Variants in ADAMTS17 observed in about 807,000 individuals in gnomAD.
ADAMTS17 encodes the protein ADAM metallopeptidase with thrombospondin type 1 motif 17.
In ADAMTS17, 113 loss-of-function variants were observed where a neutral mutation model predicts 141.5. That is an observed-to-expected ratio of 0.80 (90% CI 0.69 to 0.93). ADAMTS17 has a LOEUF of 0.93. ADAMTS17 is among the 40% of genes least tolerant of loss of function. The pLI, the probability that ADAMTS17 is intolerant of heterozygous loss-of-function variation, is 0.00. For synonymous variants in ADAMTS17, 768 were observed against 630.6 expected (o/e 1.22, Z -3.27); for missense variants, 1,659 against 1,517.9 (o/e 1.09, Z -1.54).
intron 4 of ADAMTS17, among the ~76,000 whole-genome samples, chr15:100,273,215 A>G (rs1209170007): frequency 6.6e-6 from 1 of 152,166 alleles, no homozygotes; most frequent in African/African-American, 2.4e-5. Context: ...AGTCTCACAG[A>G]ATGAGTTAGG....
intron 12 of ADAMTS17, among the ~76,000 whole-genome samples, chr15:100,124,777 G>A (rs1323462417): frequency 2.3e-5 from 3 of 131,068 alleles, no homozygotes; most frequent in South Asian, 2.6e-4. Context: ...AACCGAAAGC[G>A]TGGAGAGAAA....
intron 7 of ADAMTS17, among the ~76,000 whole-genome samples, chr15:100,205,446 G>A (rs1050496458): frequency 5.3e-5 from 8 of 152,186 alleles, no homozygotes; most frequent in African/African-American, 9.7e-5. Flanking sequence ...CCAAGTGCAT[G>A]GAGATATCGT....
At chr15:100,313,301 A>G (rs1195260697) in intron 3 of ADAMTS17, among the ~76,000 whole-genome samples, 2 of 152,262 alleles carry the variant, frequency 1.3e-5, no homozygotes, top group African/African-American at 4.8e-5. Context: ...GAATGCAATA[A>G]CACTCTGAGG....
intron 8 of ADAMTS17, among the ~76,000 whole-genome samples, chr15:100,190,939 C>T (rs1218567044): frequency 6.6e-6 from 1 of 152,202 alleles, no homozygotes; most frequent in African/African-American, 2.4e-5. Context: ...CGAGTCTCCA[C>T]TGGGCCACAT....
chr15:100,314,696 A>T (rs921620715), intron 3 of ADAMTS17, among the ~76,000 whole-genome samples: 2 of 152,230 alleles, frequency 1.3e-5, no homozygotes, highest in Non-Finnish European at 2.9e-5. Context: ...TGGAAAAAAA[A>T]CTGGTGAGAA....
At chr15:100,257,106 G>A (rs1452247493) in intron 6 of ADAMTS17, 1 of 152,232 alleles carries the variant, frequency 6.6e-6, no homozygotes, top group East Asian at 1.9e-4. Flanking sequence ...TTAAACGGGA[G>A]GAAATTCTCA....
intron 20 of ADAMTS17, among the ~76,000 whole-genome samples, chr15:99,987,582 G>A (rs911699772): frequency 6.6e-6 from 1 of 152,112 alleles, no homozygotes; most frequent in Non-Finnish European, 1.5e-5. Context: ...TCTGCAAGCT[G>A]GACAGCAAAG....
chr15:100,054,204 G>T, intron 15 of ADAMTS17, 150 bp from the exon 16 acceptor site: 1 of 884,784 alleles, frequency 1.1e-6, no homozygotes. Flanking sequence ...GAAGGCGAGT[G>T]CTCTGTATAC....
chr15:100,195,202 C>T (rs113878549), intron 8 of ADAMTS17, among the ~76,000 whole-genome samples: 4 of 152,354 alleles, frequency 2.6e-5, no homozygotes, highest in African/African-American at 9.6e-5. Flanking sequence ...TGCCTCCAGG[C>T]AGCAGCAAGG....
intron 3 of ADAMTS17, among the ~76,000 whole-genome samples, chr15:100,289,467 T>G (rs988461447): frequency 1.3e-5 from 2 of 152,078 alleles, no homozygotes; most frequent in East Asian, 1.9e-4. Flanking sequence ...GAGGAGGGAC[T>G]CCTCCCTAAC....
At chr15:100,211,886 A>G (rs2041820747) in intron 7 of ADAMTS17, among the ~76,000 whole-genome samples, 1 of 152,200 alleles carries the variant, frequency 6.6e-6, no homozygotes, top group Admixed American at 6.5e-5. Flanking sequence ...GTTATTAAAG[A>G]GAATATAAAT....
intron 3 of ADAMTS17, among the ~76,000 whole-genome samples, chr15:100,300,681 C>G (rs748070622): frequency 8.5e-5 from 13 of 152,202 alleles, no homozygotes; most frequent in Admixed American, 4.6e-4. Context: ...TTTCCTAGAG[C>G]TTCCTGTGGC....
At chr15:100,137,011 GA>G (rs2038369084) in intron 10 of ADAMTS17, among the ~76,000 whole-genome samples, 2 of 152,322 alleles carry the variant, frequency 1.3e-5, no homozygotes, top group Admixed American at 6.5e-5. Context: ...TGTGGCCCAG[GA>G]AATTTATATC....
intron 14 of ADAMTS17, 73 bp from the exon 15 acceptor site, chr15:100,096,549 C>G (rs1353320692): frequency 2.5e-6 from 4 of 1,606,928 alleles, no homozygotes; most frequent in African/African-American, 1.3e-5. Context: ...CCCTGCAAGG[C>G]TAACTTTTCC....
intron 7 of ADAMTS17, among the ~76,000 whole-genome samples, chr15:100,238,063 T>C (rs1354952173): frequency 6.6e-6 from 1 of 152,208 alleles, no homozygotes; most frequent in African/African-American, 2.4e-5. Flanking sequence ...GCTCCCACTG[T>C]GGGACAGCCA....
intron 15 of ADAMTS17, among the ~76,000 whole-genome samples, chr15:100,067,897 A>C (rs2033659636): frequency 6.6e-6 from 1 of 152,140 alleles, no homozygotes; most frequent in South Asian, 2.1e-4. Flanking sequence ...GAGTGTCGGA[A>C]AGTGGGTGCA....
intron 10 of ADAMTS17, among the ~76,000 whole-genome samples, chr15:100,135,574 C>T (rs545005861): frequency 9.9e-5 from 15 of 152,248 alleles, no homozygotes; most frequent in South Asian, 4.1e-4. Context: ...TGAGCCACTG[C>T]GCCTGGCCAA....
intron 13 of ADAMTS17, among the ~76,000 whole-genome samples, chr15:100,113,056 C>G (rs919001218): frequency 6.6e-6 from 1 of 152,120 alleles, no homozygotes; most frequent in Non-Finnish European, 1.5e-5. Context: ...CACATGCTGA[C>G]GAGGCTACTC....
intron 2 of ADAMTS17, among the ~76,000 whole-genome samples, chr15:100,332,682 T>C (rs910799989): frequency 2.0e-5 from 3 of 152,222 alleles, no homozygotes; most frequent in Admixed American, 6.5e-5. Flanking sequence ...ATCCTACACA[T>C]ACACACTCAT....
Sources: allele counts gnomAD v4.1 joint callset (sites outside exome capture counted in the v4.1 genomes callset), GRCh38; gene constraint gnomAD v4.1.1; transcripts MANE v1.5; gene names NCBI Gene and HGNC (gene_info 2026-07-23, HGNC 2026-07-21).